The following ANKRD6 variants were observed in gnomAD, a reference collection of about 807,000 sequenced individuals.
ANKRD6 encodes ankyrin repeat domain-containing protein 6.
ANKRD6 carries 56 observed loss-of-function variants against 82.3 expected under a neutral mutation model. That is an observed-to-expected ratio of 0.68 (90% confidence interval 0.55 to 0.85). The LOEUF is 0.85. Ranked by LOEUF, ANKRD6 falls within the 40% of genes least tolerant of loss-of-function variation. ANKRD6 has a pLI of 0.00. For synonymous variants in ANKRD6, 347 were observed against 352.1 expected (o/e 0.99, Z 0.16); for missense variants, 852 against 907.6 (o/e 0.94, Z 0.79).
intron 12 of ANKRD6, 106 bp downstream of exon 12, chr6:89,624,163 T>C: frequency 7.7e-7 from 1 of 1,300,698 alleles, no homozygotes; most frequent in East Asian, 2.5e-5. Context: ...TTGACTTAGT[T>C]GAGCACAAGC....
chr6:89,585,182 C>G (rs1392918467), intron 2 of ANKRD6, among the ~76,000 whole-genome samples: 1 of 152,132 alleles, frequency 6.6e-6, no homozygotes, highest in Non-Finnish European at 1.5e-5. Flanking sequence ...AAAGAACTCT[C>G]AGAAAACCAG....
At chr6:89,556,707 C>T (rs1583263232) in intron 1 of ANKRD6, among the ~76,000 whole-genome samples, 1 of 152,340 alleles carries the variant, frequency 6.6e-6, no homozygotes, top group Admixed American at 6.5e-5. Flanking sequence ...GATCAAGGAA[C>T]ATCTAAACAG....
intron 1 of ANKRD6, among the ~76,000 whole-genome samples, chr6:89,545,226 AAAAAG>A (rs1175293304): frequency 3.4e-5 from 5 of 149,118 alleles, no homozygotes; most frequent in African/African-American, 4.9e-5. Flanking sequence ...AAAAAAAAAA[AAAAAG>A]AAAAGAAAAA....
rs527771289 is a variant in ANKRD6, at chr6:89,623,153, A to G, written c.898-257A>G. Among the ~76,000 whole-genome samples the G allele has an allele frequency of 1.8e-4, 27 of 152,196 alleles. No homozygotes were observed. In the East Asian group the frequency reaches 5.0e-3, roughly 28 times the overall value. On this transcript the variant is annotated intron_variant, in intron 10 of 15. Coordinates refer to ENST00000339746, the MANE Select transcript of ANKRD6 (RefSeq NM_001242809.2). Reference sequence around the variant, plus strand: ...GGGTAGGTTCCTGGTGTTCTACAACATCGAATTGGACCCAGGAATATATTT... The same window carrying G: ...GGGTAGGTTCCTGGTGTTCTACAACGTCGAATTGGACCCAGGAATATATTT...
At chr6:89,438,833 G>C (rs1770978966) in intron 1 of ANKRD6, among the ~76,000 whole-genome samples, 1 of 152,078 alleles carries the variant, frequency 6.6e-6, no homozygotes, top group Non-Finnish European at 1.5e-5. Context: ...AGTAGAGTCA[G>C]TGTTTTGCCA....
At chr6:89,617,373 T>C (rs1365868554) in intron 8 of ANKRD6, among the ~76,000 whole-genome samples, 1 of 152,238 alleles carries the variant, frequency 6.6e-6, no homozygotes, top group Admixed American at 6.5e-5. Context: ...AGTTCCATGA[T>C]GCCTTGAATA....
intron 2 of ANKRD6, among the ~76,000 whole-genome samples, chr6:89,585,740 C>A (rs566641268): frequency 1.3e-5 from 2 of 152,252 alleles, no homozygotes; most frequent in South Asian, 4.1e-4. Flanking sequence ...GAAACCCTGT[C>A]TCTAAAAAAA....
chr6:89,628,291 C>A, intron 14 of ANKRD6: 1 of 158,868 alleles, frequency 6.3e-6, no homozygotes, highest in Non-Finnish European at 1.4e-5. Context: ...AGTTCTTTGG[C>A]TTATGGTTCT....
intron 1 of ANKRD6, among the ~76,000 whole-genome samples, chr6:89,448,865 C>G (rs1772439428): frequency 6.6e-6 from 1 of 151,568 alleles, no homozygotes; most frequent in African/African-American, 2.4e-5. Flanking sequence ...CCCGTTTCTA[C>G]TAAAAATACA....
intron 1 of ANKRD6, among the ~76,000 whole-genome samples, chr6:89,486,279 A>G (rs1285373248): frequency 6.6e-6 from 1 of 152,232 alleles, no homozygotes; most frequent in African/African-American, 2.4e-5. Context: ...CAGATCAAGT[A>G]GCAGAAATGA....
At chr6:89,457,163 A>T (rs1301552442) in intron 1 of ANKRD6, among the ~76,000 whole-genome samples, 1 of 152,180 alleles carries the variant, frequency 6.6e-6, no homozygotes. Context: ...CTTCCACCAG[A>T]GCAAGTGATT....
At chr6:89,553,089 T>A (rs1786067726) in intron 1 of ANKRD6, among the ~76,000 whole-genome samples, 1 of 152,106 alleles carries the variant, frequency 6.6e-6, no homozygotes. Context: ...TGAGAGAAGG[T>A]CATGTGGGTT....
intron 2 of ANKRD6, among the ~76,000 whole-genome samples, chr6:89,569,606 T>C (rs1789326281): frequency 6.6e-6 from 1 of 152,222 alleles, no homozygotes; most frequent in East Asian, 1.9e-4. Context: ...CTAGAGTATA[T>C]TCCTAGGAGT....
intron 1 of ANKRD6, chr6:89,505,137 T>C (rs1423023934): frequency 6.6e-6 from 1 of 152,350 alleles, no homozygotes; most frequent in Non-Finnish European, 1.5e-5. Context: ...ATCCTGGGGC[T>C]ATGCTGGTTC....
intron 1 of ANKRD6, among the ~76,000 whole-genome samples, chr6:89,444,811 T>C (rs369847732): frequency 6.6e-6 from 1 of 151,898 alleles, no homozygotes; most frequent in African/African-American, 2.4e-5. Context: ...CTACTAAAAA[T>C]AAAAAAATTA....
chr6:89,451,857 C>T (rs1281399159), intron 1 of ANKRD6, among the ~76,000 whole-genome samples: 1 of 152,160 alleles, frequency 6.6e-6, no homozygotes, highest in Non-Finnish European at 1.5e-5. Context: ...TTTGAAATTC[C>T]TTTAATGTCA....
intron 5 of ANKRD6, among the ~76,000 whole-genome samples, chr6:89,608,368 C>CACACACTATATATATATATATA: frequency 7.6e-6 from 1 of 130,814 alleles, no homozygotes. Context: ...CACACACACA[C>CACACACTATATATATATATATA]TATATATATA....
intron 1 of ANKRD6, among the ~76,000 whole-genome samples, chr6:89,499,872 C>T (rs2127881613): frequency 6.6e-6 from 1 of 152,186 alleles, no homozygotes; most frequent in Middle Eastern, 3.4e-3. Flanking sequence ...AAGACTTCAG[C>T]ATCAAAACAG....
intron 14 of ANKRD6, 23 bp downstream of exon 14, chr6:89,627,719 CCTTAA>C: frequency 6.2e-7 from 1 of 1,608,052 alleles, no homozygotes; most frequent in East Asian, 2.2e-5. Flanking sequence ...ATCTGCTAGT[CCTTAA>C]CTTATGATTT....
Sources: allele counts gnomAD v4.1 joint callset (sites outside exome capture counted in the v4.1 genomes callset), GRCh38; gene constraint gnomAD v4.1.1; transcripts MANE v1.5; gene names NCBI Gene and HGNC (gene_info 2026-07-23, HGNC 2026-07-21).